UNK: variants seen among roughly 807,000 people sequenced by gnomAD.
The protein encoded by UNK is unk zinc finger, also known as RING finger protein unkempt homolog.
UNK carries 32 observed loss-of-function variants against 97.6 expected under a neutral mutation model. That is an observed-to-expected ratio of 0.33 (90% CI 0.25 to 0.44). The LOEUF is 0.44. UNK is among the 20% of genes least tolerant of loss of function. The pLI is 1.00. For missense variants in UNK, 771 were observed against 1,098.4 expected, an observed-to-expected ratio of 0.70 and a Z score of 4.21; for synonymous variants, 441 against 461.2, an observed-to-expected ratio of 0.96 and a Z score of 0.56.
chr17:75,788,726 A>G (rs1356535912), intron 1 of UNK, among the ~76,000 whole-genome samples: 1 of 144,748 alleles, frequency 6.9e-6, no homozygotes, highest in African/African-American at 2.6e-5. Flanking sequence ...AGCAAGAGAC[A>G]GGATCTTGCT....
At position 75,825,631 on chromosome 17, in the gene UNK, T is replaced by C. The variant is rs1371992493; in HGVS notation, c.*1214T>C. The C allele has an allele frequency of 2.6e-5, 4 of 152,326 alleles. No homozygotes were observed. Among genetic ancestry groups the C allele is most frequent in the Admixed American group, 2.6e-4 (4 of 15,286 alleles). The allele number at this position is 152,326 out of a possible 1,614,324, so 9.4% of individuals were successfully genotyped here. A position where few individuals can be genotyped will look rare whatever the true frequency, so the allele number is the denominator to read the frequency against. On this transcript the variant is annotated 3_prime_UTR_variant, in exon 16 of 16. Transcript: ENST00000589666. This position sits in a 1 kb window ranked among gnomAD's most constrained non-coding sequence, Gnocchi z 4.4. ...GCAGCCGCACCCCCAGCACCGGGTG[T>C]CTGCGGTAGGAACAAGAGGGCTGAG... is the stretch of plus-strand genomic sequence containing the variant.
chr17:75,785,009 C>CCG (rs1368187387), intron 1 of UNK, 25 bp downstream of exon 1: 1 of 1,314,094 alleles, frequency 7.6e-7, no homozygotes, highest in Non-Finnish European at 9.8e-7. Context: ...CCCCCCCCCG[C>CCG]CGCGCGCGCA....
chr17:75,785,301 T>C, intron 1 of UNK: 1 of 274,802 alleles, frequency 3.6e-6, no homozygotes, highest in Non-Finnish European at 6.9e-6. Flanking sequence ...ACCACAGTAG[T>C]AGGCTCCTTT....
At chr17:75,797,508 TAC>T (rs1245309294) in intron 1 of UNK, among the ~76,000 whole-genome samples, 18 of 152,276 alleles carry the variant, frequency 1.2e-4, no homozygotes, top group African/African-American at 4.1e-4. Flanking sequence ...GTGCTGGGAT[TAC>T]AGGCATGAGC....
chr17:75,805,053 C>T (rs563105477), intron 1 of UNK, among the ~76,000 whole-genome samples: 96 of 150,606 alleles, frequency 6.4e-4, no homozygotes, highest in Middle Eastern at 3.4e-3. Flanking sequence ...TGGTGGCAGG[C>T]GCCTGTAATC....
At position 75,816,463 on chromosome 17, in the gene UNK, CTG is replaced by C. The variant is rs2062016790; in HGVS notation, c.962-303_962-302del. Among the ~76,000 whole-genome samples, 2 of 152,198 alleles carry C rather than the reference CTG, an allele frequency of 1.3e-5. No homozygotes were observed. The highest frequency in any genetic ancestry group is 2.9e-5 in the Non-Finnish European group (2 of 68,038). ...GATCAGCGTTCAAGACCCAGCTCCTCTGTGTTTTAGCTCTGTCACTTTGGTGG... is the reference window on the plus strand; with the variant it reads ...GATCAGCGTTCAAGACCCAGCTCCTCTGTTTTAGCTCTGTCACTTTGGTGG... On this transcript the variant is annotated intron_variant, in intron 7 of 15. Transcript: ENST00000589666. This position sits in a 1 kb window ranked among gnomAD's most constrained non-coding sequence, Gnocchi z 4.0.
intron 1 of UNK, among the ~76,000 whole-genome samples, chr17:75,790,675 A>C (rs2061756054): frequency 6.6e-6 from 1 of 152,056 alleles, no homozygotes; most frequent in Non-Finnish European, 1.5e-5. Flanking sequence ...TCACGCCTGT[A>C]ATCTTGACAC....
intron 6 of UNK, 137 bp downstream of exon 6, chr17:75,814,015 A>C (rs1368929284): frequency 1.4e-6 from 1 of 734,184 alleles, no homozygotes; most frequent in African/African-American, 1.8e-5. Flanking sequence ...CTCCCCTGGC[A>C]GTGCCTAGAG....
chr17:75,795,061 C>T (rs2061793831), intron 1 of UNK, among the ~76,000 whole-genome samples: 2 of 152,112 alleles, frequency 1.3e-5, no homozygotes, highest in South Asian at 4.1e-4. Flanking sequence ...CTTCAGAGAA[C>T]AGTTCTCTCT....
At chr17:75,793,871 G>A in intron 1 of UNK, 1 of 985,418 alleles carries the variant, frequency 1.0e-6, no homozygotes, top group Non-Finnish European at 1.2e-6. Flanking sequence ...CTGTAAAGAA[G>A]AGGTTGATAA....
chr17:75,799,893 A>G (rs2143715104), intron 1 of UNK, among the ~76,000 whole-genome samples: 1 of 152,226 alleles, frequency 6.6e-6, no homozygotes, highest in East Asian at 1.9e-4. Flanking sequence ...CAGAGGCCAG[A>G]GGATAGCTAG....
At chr17:75,812,396 C>T (rs1040517083) in intron 3 of UNK, 59 bp from the exon 4 acceptor site, 6 of 1,587,256 alleles carry the variant, frequency 3.8e-6, no homozygotes, top group Non-Finnish European at 5.2e-6. Flanking sequence ...GGCTGGCACT[C>T]TGGTTCTTGC....
chr17:75,796,652 A>G (rs1006195277), intron 1 of UNK, among the ~76,000 whole-genome samples: 17 of 152,216 alleles, frequency 1.1e-4, no homozygotes, highest in African/African-American at 3.4e-4. Flanking sequence ...ACTCCCACCA[A>G]TGTGGTTACT....
intron 1 of UNK, 128 bp from the exon 2 acceptor site, chr17:75,809,632 C>A: frequency 1.0e-6 from 1 of 979,122 alleles, no homozygotes; most frequent in Non-Finnish European, 1.5e-6. Flanking sequence ...TGGGTCTCTC[C>A]TGGTGTTCCA....
intron 1 of UNK, chr17:75,791,887 G>A (rs1458013759): frequency 1.0e-6 from 1 of 985,370 alleles, no homozygotes; most frequent in East Asian, 1.1e-4. Context: ...GAGCAACTTA[G>A]AGAAATCCAT....
At chr17:75,813,951 T>C (rs1477656569) in intron 6 of UNK, 73 bp downstream of exon 6, 6 of 1,372,312 alleles carry the variant, frequency 4.4e-6, no homozygotes, top group East Asian at 2.5e-5. Flanking sequence ...AGTGGAGATG[T>C]TGGCAGAACC....
At chr17:75,811,156 G>A (rs2143775962) in intron 2 of UNK, among the ~76,000 whole-genome samples, 1 of 152,158 alleles carries the variant, frequency 6.6e-6, no homozygotes, top group South Asian at 2.1e-4. Flanking sequence ...TTGCCATGTT[G>A]TCCAAGCTGG....
chr17:75,817,283 G>A lies in UNK; in HGVS notation c.1105-43G>A. ...TGGAGGATGGGCCACGCACCAGCCTGCGCTGTGCCCACGGGCCCACTCCCT... is the reference window on the plus strand; with the variant it reads ...TGGAGGATGGGCCACGCACCAGCCTACGCTGTGCCCACGGGCCCACTCCCT... On this transcript the variant is annotated intron_variant, in intron 8 of 15. Coordinates refer to ENST00000589666, the MANE Select transcript of UNK (RefSeq NM_001080419.3). This position sits in a 1 kb window ranked among gnomAD's most constrained non-coding sequence, Gnocchi z 5.8. The A allele has an allele frequency of 6.6e-7, 1 of 1,525,312 alleles. No individual in the cohort carries two copies. Among genetic ancestry groups the A allele is most frequent in the South Asian group, 1.3e-5 (1 of 78,766 alleles). 94.5% of individuals were successfully genotyped at this position (1,525,312 alleles called of 1,614,324 possible). A position where few individuals can be genotyped will look rare whatever the true frequency, so the allele number is the denominator to read the frequency against.
At chr17:75,820,789 C>T (rs1243217791) in intron 13 of UNK, among the ~76,000 whole-genome samples, 1 of 152,152 alleles carries the variant, frequency 6.6e-6, no homozygotes, top group East Asian at 1.9e-4. Context: ...GGCACCACCG[C>T]TCTCACTCTC....
Sources: gnomAD v4.1 joint callset for allele counts (sites outside exome capture counted in the v4.1 genomes callset) on GRCh38, gnomAD v4.1.1 for gene constraint, Gnocchi (gnomAD v3.1) non-coding constraint, MANE v1.5 for transcripts, NCBI Gene and HGNC (gene_info 2026-07-23, HGNC 2026-07-21) for gene names.